Variants in IFFO2 observed in about 807,000 individuals in gnomAD.
IFFO2 encodes the protein intermediate filament family orphan 2.
In IFFO2, 19 loss-of-function variants were observed where a neutral mutation model predicts 53.5. The ratio of observed to expected loss-of-function variants is 0.36; its 90% CI spans 0.25 to 0.52. IFFO2 has a LOEUF of 0.52. Among genes scored for constraint, IFFO2 ranks in the 20% least tolerant of loss-of-function variants. The pLI, the probability that IFFO2 is intolerant of heterozygous loss-of-function variation, is 0.94. For missense variants in IFFO2, 570 were observed against 727.4 expected, an observed-to-expected ratio of 0.78 and a Z score of 2.49; for synonymous variants, 303 against 313.6, an observed-to-expected ratio of 0.97 and a Z score of 0.36.
Position 18,917,806 on chromosome 1 carries a change from G to A in IFFO2, c.963+556C>T, listed in dbSNP as rs996186457. Reference sequence around the variant, plus strand: ...CCTCACTGGCGCTAACCTGATCGCCGTCTCTCGGGGGCACCCACACTTGCA... The same window carrying A: ...CCTCACTGGCGCTAACCTGATCGCCATCTCTCGGGGGCACCCACACTTGCA... On this transcript the variant is annotated intron_variant, in intron 4 of 8. Transcript: ENST00000455833. This position sits in a 1 kb window ranked among gnomAD's most constrained non-coding sequence, Gnocchi z 5.9. Among the ~76,000 whole-genome samples, 3 of 152,122 alleles carry A rather than the reference G, an allele frequency of 2.0e-5. No individual in the cohort carries two copies. Among genetic ancestry groups the A allele is most frequent in the East Asian group, 1.9e-4 (1 of 5,180 alleles).
chr1:18,934,133 C>T (rs1158216041), intron 1 of IFFO2, among the ~76,000 whole-genome samples: 2 of 124,486 alleles, frequency 1.6e-5, no homozygotes, highest in African/African-American at 3.2e-5. Context: ...GTGGTACAAT[C>T]ACACAACTCA....
chr1:18,908,504 G>A lies in IFFO2; in HGVS notation c.*57C>T. ...CTCCGAGGGGCCTTCCTGGCCCCAT[G>A]AGGAGAGGTGGCAGGGCCCCATCAC... On this transcript the variant is annotated 3_prime_UTR_variant, in exon 9 of 9. Coordinates refer to ENST00000455833, the MANE Select transcript of IFFO2 (RefSeq NM_001136265.2). The A allele has an allele frequency of 3.1e-6, 4 of 1,290,026 alleles. No homozygotes were observed. The highest frequency in any genetic ancestry group is 2.0e-5 in the Admixed American group (1 of 50,630). 79.9% of individuals were successfully genotyped at this position (1,290,026 alleles called of 1,614,324 possible). A position where few individuals can be genotyped will look rare whatever the true frequency, so the allele number is the denominator to read the frequency against.
chr1:18,943,184 T>C (rs1036716761), intron 1 of IFFO2, among the ~76,000 whole-genome samples: 3 of 151,884 alleles, frequency 2.0e-5, no homozygotes, highest in Non-Finnish European at 4.4e-5. Context: ...CCCGGCAACA[T>C]AGCGAGACCC....
chr1:18,947,321 G>A lies in IFFO2; in HGVS notation c.665+8347C>T, dbSNP rs1050206658. On this transcript the variant is annotated intron_variant, in intron 1 of 8. Coordinates refer to ENST00000455833, the MANE Select transcript of IFFO2 (RefSeq NM_001136265.2). This position sits in a 1 kb window ranked among gnomAD's most constrained non-coding sequence, Gnocchi z 5.0. ...CTGGTGATCCGTGGATGAGAACCTC[G>A]GGCTGGCTGTGCCCTGAGGACACTC... 7.2e-5 allele frequency among the ~76,000 whole-genome samples: 11 copies of A among 152,236 alleles called. No individual in the cohort carries two copies. Among genetic ancestry groups the A allele is most frequent in the African/African-American group, 1.4e-4 (6 of 41,462 alleles).
At chr1:18,942,839 T>C (rs1936537276) in intron 1 of IFFO2, among the ~76,000 whole-genome samples, 1 of 128,678 alleles carries the variant, frequency 7.8e-6, no homozygotes, top group Non-Finnish European at 1.8e-5. Context: ...TTATATTATT[T>C]CTTTTTTTTT....
Position 18,912,155 on chromosome 1 carries a change from GGGGCAGCTGCCCAGCA to G in IFFO2, c.1104-88_1104-73del. 3.3e-6 allele frequency: 5 copies of G among 1,534,974 alleles called. No homozygotes were observed. The South Asian group carries it at 6.0e-5, about 18-fold the overall frequency. On this transcript the variant is annotated intron_variant, in intron 5 of 8. Coordinates refer to ENST00000455833, the MANE Select transcript of IFFO2 (RefSeq NM_001136265.2). The stretch of plus-strand genomic sequence containing the variant: ...CAGGGACCCATACAGGGGACAGAAA[GGGGCAGCTGCCCAGCA>G]GGTACACAGCTTCAAGGCTGTCCTC...
At chr1:18,910,598 C>A in intron 7 of IFFO2, 126 bp from the exon 8 acceptor site, 1 of 1,085,534 alleles carries the variant, frequency 9.2e-7, no homozygotes, top group South Asian at 1.5e-5. Flanking sequence ...ACCATGCCAT[C>A]AGGACCCTGC....
intron 1 of IFFO2, among the ~76,000 whole-genome samples, chr1:18,931,964 T>C (rs942919317): frequency 2.0e-5 from 3 of 152,216 alleles, no homozygotes; most frequent in African/African-American, 7.2e-5. Context: ...CATGCACTTA[T>C]TTCTCAGCGC....
chr1:18,909,261 C>T (rs888078094), intron 8 of IFFO2, among the ~76,000 whole-genome samples: 4 of 152,126 alleles, frequency 2.6e-5, no homozygotes, highest in South Asian at 2.1e-4. Context: ...TGCAGCAAAA[C>T]GAGGAAAACA....
intron 2 of IFFO2, among the ~76,000 whole-genome samples, chr1:18,920,280 T>C (rs1177893173): frequency 6.6e-6 from 1 of 152,216 alleles, no homozygotes; most frequent in Non-Finnish European, 1.5e-5. Flanking sequence ...ATGAACCCGT[T>C]AAATTTATAA....
chr1:18,929,279 G>A (rs1374116916), intron 1 of IFFO2, among the ~76,000 whole-genome samples: 1 of 152,186 alleles, frequency 6.6e-6, no homozygotes, highest in Non-Finnish European at 1.5e-5. Context: ...GCTCAAGTGA[G>A]GCACACAGAT....
intron 5 of IFFO2, among the ~76,000 whole-genome samples, chr1:18,915,596 A>G (rs1936122422): frequency 6.6e-6 from 1 of 152,104 alleles, no homozygotes; most frequent in Non-Finnish European, 1.5e-5. Flanking sequence ...GCTCAGCCAC[A>G]TACTAGCTGA....
intron 1 of IFFO2, among the ~76,000 whole-genome samples, chr1:18,942,457 C>G (rs1476949947): frequency 6.6e-6 from 1 of 152,142 alleles, no homozygotes; most frequent in Non-Finnish European, 1.5e-5. Flanking sequence ...GGGCCAGCAG[C>G]ACACGTAGCA....
At position 18,936,054 on chromosome 1, in the gene IFFO2, C is replaced by G. The variant is rs1278106097; in HGVS notation, c.666-14933G>C. On this transcript the variant is annotated intron_variant, in intron 1 of 8. Coordinates refer to ENST00000455833, the MANE Select transcript of IFFO2 (RefSeq NM_001136265.2). The surrounding 1 kb of genome is among the most constrained non-coding windows in gnomAD (Gnocchi z 4.5). ...CCATCTATGGGTCACAGCTGCAACT[C>G]CAGTGCCCAGCACAGAGCCTGGCAC... Among the ~76,000 whole-genome samples the G allele has an allele frequency of 2.6e-5, 4 of 152,030 alleles. No individual in the cohort carries two copies. In the East Asian group the frequency reaches 7.7e-4, roughly 29 times the overall value.
In IFFO2 at chr1:18,954,760, G is replaced by A. The variant is rs1172758424; in HGVS notation, c.665+908C>T. Among the ~76,000 whole-genome samples the A allele has an allele frequency of 2.6e-5, 4 of 152,356 alleles. No individual in the cohort carries two copies. In the East Asian group the frequency reaches 7.7e-4, roughly 29 times the overall value. Reference sequence around the variant, plus strand: ...GAAGCAATGACAGTTTCCCAGCTGGGGAATCTGGGCTAGGCAGGAATGCAC... The same window carrying A: ...GAAGCAATGACAGTTTCCCAGCTGGAGAATCTGGGCTAGGCAGGAATGCAC... On this transcript the variant is annotated intron_variant, in intron 1 of 8. Coordinates refer to ENST00000455833, the MANE Select transcript of IFFO2 (RefSeq NM_001136265.2).
intron 1 of IFFO2, among the ~76,000 whole-genome samples, chr1:18,937,864 A>G (rs951595383): frequency 6.6e-6 from 1 of 152,252 alleles, no homozygotes; most frequent in Non-Finnish European, 1.5e-5. Context: ...CACCCCACAC[A>G]TGGGATGCAG....
Position 18,947,914 on chromosome 1 carries a change from C to A in IFFO2, c.665+7754G>T, listed in dbSNP as rs553584084. Among the ~76,000 whole-genome samples, 1 of 152,246 alleles carries A rather than the reference C, an allele frequency of 6.6e-6. No individual in the cohort carries two copies. Among genetic ancestry groups the A allele is most frequent in the South Asian group, 2.1e-4 (1 of 4,830 alleles). ...TGCCTGCCTCCTCACCCTGAGCCAG[C>A]CTTTGGCAACCTCCAGGGGCATGGG... On this transcript the variant is annotated intron_variant, in intron 1 of 8. Transcript: ENST00000455833. The surrounding 1 kb of genome is among the most constrained non-coding windows in gnomAD (Gnocchi z 5.0).
At chr1:18,914,752 G>C (rs1434587229) in intron 5 of IFFO2, among the ~76,000 whole-genome samples, 2 of 151,348 alleles carry the variant, frequency 1.3e-5, no homozygotes, top group East Asian at 3.9e-4. Context: ...GAACCCAGGA[G>C]GTGGAAGCTG....
chr1:18,917,781 C>A lies in IFFO2; in HGVS notation c.963+581G>T, dbSNP rs1403227958. 1.3e-5 allele frequency among the ~76,000 whole-genome samples: 2 copies of A among 152,158 alleles called. No individual in the cohort carries two copies. Among genetic ancestry groups the A allele is most frequent in the Non-Finnish European group, 2.9e-5 (2 of 68,018 alleles). ...CCCCCAAGCCCTCTCTGGAAGACAGCCTCACTGGCGCTAACCTGATCGCCG... is the reference window on the plus strand; with the variant it reads ...CCCCCAAGCCCTCTCTGGAAGACAGACTCACTGGCGCTAACCTGATCGCCG... On this transcript the variant is annotated intron_variant, in intron 4 of 8. Transcript: ENST00000455833. The surrounding 1 kb of genome is among the most constrained non-coding windows in gnomAD (Gnocchi z 5.9).
Sources: allele counts gnomAD v4.1 joint callset (sites outside exome capture counted in the v4.1 genomes callset), GRCh38; gene constraint gnomAD v4.1.1; non-coding constraint Gnocchi (gnomAD v3.1); transcripts MANE v1.5; gene names NCBI Gene and HGNC (gene_info 2026-07-23, HGNC 2026-07-21).